The following DENND1A variants were observed in gnomAD, a reference collection of about 807,000 sequenced individuals.
DENND1A encodes the protein DENN domain containing 1A.
Under a neutral mutation model 113.7 loss-of-function variants are expected in DENND1A, and 51 were observed. That is an observed-to-expected ratio of 0.45 (90% CI 0.36 to 0.57). The LOEUF (loss-of-function observed/expected upper bound fraction) is 0.57. Ranked by LOEUF, DENND1A falls within the 20% of genes least tolerant of loss-of-function variation. The pLI, the probability that DENND1A is intolerant of heterozygous loss-of-function variation, is 0.00. For missense variants in DENND1A, 1,258 were observed against 1,395.9 expected (o/e 0.90, Z 1.57); for synonymous variants, 565 against 570.8 (o/e 0.99, Z 0.14).
At position 123,381,418 on chromosome 9, in the gene DENND1A, C is replaced by T; in HGVS notation, c.*14G>A. The T allele has an allele frequency of 6.2e-7, 1 of 1,611,978 alleles. No homozygotes were observed. Among genetic ancestry groups the T allele is most frequent in the Non-Finnish European group, 8.5e-7 (1 of 1,179,424 alleles). ...CCTCGGGCCTCGGTGCATCCCCCAC[C>T]CTCAGGGCCCGGCTCACTCGAAGGT... On this transcript the variant is annotated 3_prime_UTR_variant, in exon 24 of 24. Transcript: ENST00000394215. This position sits in a 1 kb window ranked among gnomAD's most constrained non-coding sequence, Gnocchi z 4.7.
intron 13 of DENND1A, among the ~76,000 whole-genome samples, chr9:123,463,540 T>G (rs1162613664): frequency 6.6e-6 from 1 of 152,224 alleles, no homozygotes; most frequent in Non-Finnish European, 1.5e-5. Context: ...CAAAATTCTA[T>G]GTGCACATTT....
rs146879771 is a variant in DENND1A at position 123,779,077 on chromosome 9, T to C, written c.133-9514A>G. Reference sequence around the variant, plus strand: ...CTTAGATCAATATAGTTCATTTCTATAGGTAAGGTCCATGGGTTTTCTTGA... The same window carrying C: ...CTTAGATCAATATAGTTCATTTCTACAGGTAAGGTCCATGGGTTTTCTTGA... On this transcript the variant is annotated intron_variant, in intron 3 of 23. Coordinates refer to ENST00000394215, the MANE Select transcript of DENND1A (RefSeq NM_001352964.2). Among the ~76,000 whole-genome samples the C allele has an allele frequency of 3.5e-3, 531 of 152,362 alleles. 4 individuals are homozygous for C. The highest frequency in any genetic ancestry group is 0.012 in the African/African-American group (501 of 41,594).
intron 10 of DENND1A, among the ~76,000 whole-genome samples, chr9:123,625,805 T>C (rs2061182209): frequency 6.6e-6 from 1 of 152,148 alleles, no homozygotes; most frequent in Admixed American, 6.5e-5. Flanking sequence ...GCAGAGGAAC[T>C]ATATTGATTT....
At chr9:123,756,506 T>G (rs1027908816) in intron 5 of DENND1A, among the ~76,000 whole-genome samples, 1 of 152,132 alleles carries the variant, frequency 6.6e-6, no homozygotes, top group African/African-American at 2.4e-5. Context: ...ACACAGAATC[T>G]CCCAAAGCAG....
intron 21 of DENND1A, chr9:123,399,974 C>T (rs1343338352): frequency 6.6e-6 from 1 of 152,306 alleles, no homozygotes; most frequent in Non-Finnish European, 1.5e-5. Flanking sequence ...CACCGCGCCC[C>T]CTGCTGACTG....
At chr9:123,546,393 A>AG (rs2091228162) in intron 13 of DENND1A, among the ~76,000 whole-genome samples, 2 of 103,064 alleles carry the variant, frequency 1.9e-5, no homozygotes, top group Admixed American at 2.1e-4. Context: ...CTAAAAATAC[A>AG]AAAAAAAAAG....
At chr9:123,768,931 A>C (rs1829284383) in intron 4 of DENND1A, among the ~76,000 whole-genome samples, 1 of 151,586 alleles carries the variant, frequency 6.6e-6, no homozygotes, top group Non-Finnish European at 1.5e-5. Context: ...AGTTTATCAC[A>C]ATGTAAATAC....
intron 5 of DENND1A, among the ~76,000 whole-genome samples, chr9:123,730,498 T>A (rs536653492): frequency 6.6e-6 from 1 of 151,874 alleles, no homozygotes; most frequent in African/African-American, 2.4e-5. Flanking sequence ...AACAAACATA[T>A]GAAAAAAAGC....
At position 123,663,788 on chromosome 9, in the gene DENND1A, A is replaced by G. The variant is rs911218844; in HGVS notation, c.507+3238T>C. The stretch of plus-strand genomic sequence containing the variant: ...TTCAGCGTACATTGTTACAAGAAAA[A>G]CAGATATAAAGTGTGTACATTTTGT... On this transcript the variant is annotated intron_variant, in intron 8 of 23. Transcript: ENST00000394215. Among the ~76,000 whole-genome samples, 3 of 152,268 alleles carry G rather than the reference A, an allele frequency of 2.0e-5. No individual in the cohort carries two copies. In the South Asian group the frequency reaches 6.2e-4, roughly 32 times the overall value.
Position 123,592,320 on chromosome 9 carries a change from G to A in DENND1A, c.766-9050C>T, listed in dbSNP as rs74326272. Among the ~76,000 whole-genome samples, 449 of 152,296 alleles carry A rather than the reference G, an allele frequency of 2.9e-3. 2 individuals carry two copies. The highest frequency in any genetic ancestry group is 9.1e-3 in the African/African-American group (378 of 41,556). On this transcript the variant is annotated intron_variant, in intron 11 of 23. Transcript: ENST00000394215. ...ATTAAAAATTAAACTACCACCAAGCGATTGTTCTTTTCTTGGCTATGTCTC... is the reference window on the plus strand; with the variant it reads ...ATTAAAAATTAAACTACCACCAAGCAATTGTTCTTTTCTTGGCTATGTCTC...
intron 2 of DENND1A, among the ~76,000 whole-genome samples, chr9:123,870,791 A>C (rs1846472765): frequency 6.6e-6 from 1 of 152,088 alleles, no homozygotes; most frequent in African/African-American, 2.4e-5. Flanking sequence ...CTGGGCAAGT[A>C]AACCTCTTTG....
chr9:123,885,565 A>C (rs540066434), intron 1 of DENND1A, among the ~76,000 whole-genome samples: 3 of 152,382 alleles, frequency 2.0e-5, no homozygotes, highest in African/African-American at 7.2e-5. Context: ...GTTCTCAATA[A>C]GTCACACCTG....
intron 1 of DENND1A, among the ~76,000 whole-genome samples, chr9:123,892,103 C>A (rs1360955922): frequency 1.3e-5 from 2 of 152,094 alleles, no homozygotes; most frequent in Non-Finnish European, 2.9e-5. Context: ...CAAGAGCCCC[C>A]TCAAGTATAT....
intron 8 of DENND1A, among the ~76,000 whole-genome samples, chr9:123,660,773 A>T (rs1274930598): frequency 1.3e-5 from 2 of 152,264 alleles, no homozygotes; most frequent in African/African-American, 2.4e-5. Context: ...AAACGCCAAA[A>T]AACAGGAGAA....
chr9:123,516,097 TACACACACATACACACACACACACAC>T (rs1357761029), intron 13 of DENND1A, among the ~76,000 whole-genome samples: 1 of 56,794 alleles, frequency 1.8e-5, no homozygotes, highest in African/African-American at 7.3e-5. Context: ...TAGATATATA[TACACACACATACACACACACACACAC>T]ACACACACAC....
intron 22 of DENND1A, among the ~76,000 whole-genome samples, chr9:123,386,290 GA>G (rs1335200699): frequency 3.3e-5 from 5 of 150,676 alleles, no homozygotes; most frequent in South Asian, 2.1e-4. Context: ...AAAATCTTTT[GA>G]AAAAAAATCG....
chr9:123,449,639 A>C (rs1172213650), intron 18 of DENND1A, among the ~76,000 whole-genome samples: 1 of 152,192 alleles, frequency 6.6e-6, no homozygotes, highest in Non-Finnish European at 1.5e-5. Context: ...TCACTGTCTA[A>C]GTCCAGAAAT....
chr9:123,873,414 A>G (rs1437190553), intron 2 of DENND1A, among the ~76,000 whole-genome samples: 7 of 152,224 alleles, frequency 4.6e-5, no homozygotes, highest in African/African-American at 1.7e-4. Flanking sequence ...CACATGAGGG[A>G]CAGTTTACAA....
At chr9:123,457,114 A>G (rs1042242483) in intron 15 of DENND1A, among the ~76,000 whole-genome samples, 22 of 152,198 alleles carry the variant, frequency 1.4e-4, no homozygotes, top group Admixed American at 1.1e-3. Flanking sequence ...TACTTTAACT[A>G]GACTTTGTCT....
Sources: allele counts gnomAD v4.1 joint callset (sites outside exome capture counted in the v4.1 genomes callset), GRCh38; gene constraint gnomAD v4.1.1; non-coding constraint Gnocchi (gnomAD v3.1); transcripts MANE v1.5; gene names NCBI Gene and HGNC (gene_info 2026-07-23, HGNC 2026-07-21).